HTR7: variants seen among roughly 807,000 people sequenced by gnomAD.
HTR7 encodes the protein 5-hydroxytryptamine receptor 7.
HTR7 carries 16 observed loss-of-function variants against 34.0 expected under a neutral mutation model. That is an observed-to-expected ratio of 0.47 (90% CI 0.32 to 0.71). The LOEUF is 0.71. HTR7 is among the 30% of genes least tolerant of loss of function. The pLI is 0.04. For synonymous variants in HTR7, 265 were observed against 260.2 expected (o/e 1.02, Z -0.18); for missense variants, 504 against 625.5 (o/e 0.81, Z 2.07).
intron 1 of HTR7, among the ~76,000 whole-genome samples, chr10:90,783,133 C>T (rs546090444): frequency 3.9e-5 from 6 of 152,284 alleles, no homozygotes; most frequent in Admixed American, 6.5e-5. Flanking sequence ...CAGTCCAGGA[C>T]CCCTTTAAAT....
intron 1 of HTR7, among the ~76,000 whole-genome samples, chr10:90,856,302 G>C (rs948974074): frequency 1.3e-5 from 2 of 152,202 alleles, no homozygotes; most frequent in Non-Finnish European, 2.9e-5. Flanking sequence ...GTTGTCAACT[G>C]CATAATATTT....
intron 1 of HTR7, among the ~76,000 whole-genome samples, chr10:90,821,134 G>GCACACACACACACACACA (rs3035231): frequency 1.3e-5 from 2 of 150,204 alleles, no homozygotes; most frequent in African/African-American, 4.9e-5. Flanking sequence ...ACACACACAT[G>GCACACACACACACACACA]CACACACACA....
At chr10:90,759,509 G>A (rs11186302) in intron 1 of HTR7, among the ~76,000 whole-genome samples, 1 of 150,536 alleles carries the variant, frequency 6.6e-6, no homozygotes, top group Admixed American at 6.6e-5. Flanking sequence ...CAAAAAATTA[G>A]CCGGGCGCGG....
At chr10:90,770,656 C>G (rs901956651) in intron 1 of HTR7, among the ~76,000 whole-genome samples, 1 of 152,172 alleles carries the variant, frequency 6.6e-6, no homozygotes, top group African/African-American at 2.4e-5. Flanking sequence ...ATGCCAGCCC[C>G]CTGTCGCCCT....
At position 90,742,537 on chromosome 10, in the gene HTR7, AAGAG is replaced by A. The variant is rs754094234; in HGVS notation, c.1394-13_1394-10del. ...AGTAGTCAGCATTTTGTCTAAAAAA[AAGAG>A]AGAGAAAAATAGAAAATAATTTAGT... is the stretch of plus-strand genomic sequence containing the variant. On this transcript the variant is annotated splice_polypyrimidine_tract_variant and intron_variant, in intron 3 of 3. Transcript: ENST00000336152. 1.2e-5 allele frequency: 19 copies of A among 1,562,704 alleles called. No homozygotes were observed. Among genetic ancestry groups the A allele is most frequent in the Non-Finnish European group, 1.6e-5 (18 of 1,144,382 alleles).
At chr10:90,782,272 A>G (rs1845317204) in intron 1 of HTR7, among the ~76,000 whole-genome samples, 1 of 152,202 alleles carries the variant, frequency 6.6e-6, no homozygotes, top group South Asian at 2.1e-4. Context: ...GTGTGCTCAG[A>G]AGGCTTAATC....
intron 1 of HTR7, among the ~76,000 whole-genome samples, chr10:90,838,685 G>T (rs1407527432): frequency 6.6e-6 from 1 of 152,074 alleles, no homozygotes; most frequent in Non-Finnish European, 1.5e-5. Flanking sequence ...TTTTCCTTTT[G>T]TCTCTCTCCT....
At chr10:90,757,043 G>C (rs1844843246) in intron 1 of HTR7, among the ~76,000 whole-genome samples, 1 of 152,092 alleles carries the variant, frequency 6.6e-6, no homozygotes, top group African/African-American at 2.4e-5. Flanking sequence ...GAAAAAGGGG[G>C]CGGGGATGGC....
rs185788282 is a variant in HTR7 at position 90,779,222 on chromosome 10, C to T, written c.540-29628G>A. On this transcript the variant is annotated intron_variant, in intron 1 of 3. Transcript: ENST00000336152. ...GATTTTTCCAGTTTGTCCTTCTCCC[C>T]CTTTGGAGCAGAGAATGTTAGAACA... is the stretch of plus-strand genomic sequence containing the variant. Among the ~76,000 whole-genome samples, 3 of 152,288 alleles carry T rather than the reference C, an allele frequency of 2.0e-5. No homozygotes were observed. In the South Asian group the frequency reaches 6.2e-4, roughly 32 times the overall value.
intron 1 of HTR7, among the ~76,000 whole-genome samples, chr10:90,751,356 T>C (rs560753370): frequency 1.9e-4 from 29 of 152,162 alleles, no homozygotes; most frequent in Non-Finnish European, 2.8e-4. Flanking sequence ...CTAGTCCTTG[T>C]TCTCAACCAG....
At chr10:90,807,121 G>T (rs576188575) in intron 1 of HTR7, among the ~76,000 whole-genome samples, 1 of 152,122 alleles carries the variant, frequency 6.6e-6, no homozygotes. Flanking sequence ...TTTTAAATAC[G>T]ACAGAGTGGA....
At chr10:90,755,439 T>A (rs1331944528) in intron 1 of HTR7, among the ~76,000 whole-genome samples, 1 of 152,220 alleles carries the variant, frequency 6.6e-6, no homozygotes, top group Non-Finnish European at 1.5e-5. Context: ...TTTAGGAAAT[T>A]AAACAAAAGT....
At chr10:90,795,047 C>T (rs762431223) in intron 1 of HTR7, among the ~76,000 whole-genome samples, 1 of 152,112 alleles carries the variant, frequency 6.6e-6, no homozygotes, top group Non-Finnish European at 1.5e-5. Flanking sequence ...TTTTCTTTAT[C>T]CATTCATCTG....
intron 1 of HTR7, among the ~76,000 whole-genome samples, chr10:90,795,485 G>T (rs1482598805): frequency 6.6e-6 from 1 of 152,140 alleles, no homozygotes; most frequent in African/African-American, 2.4e-5. Flanking sequence ...AAATGATAAA[G>T]GTAGAAGACA....
intron 1 of HTR7, among the ~76,000 whole-genome samples, chr10:90,787,314 C>T (rs1845395120): frequency 6.6e-6 from 1 of 151,960 alleles, no homozygotes; most frequent in Non-Finnish European, 1.5e-5. Context: ...ATGGTGAAAC[C>T]CCGTCTCTAT....
chr10:90,807,127 G>A (rs1180919444), intron 1 of HTR7, among the ~76,000 whole-genome samples: 1 of 152,202 alleles, frequency 6.6e-6, no homozygotes, highest in African/African-American at 2.4e-5. Flanking sequence ...ATACGACAGA[G>A]TGGAAAAAAG....
intron 2 of HTR7, among the ~76,000 whole-genome samples, chr10:90,747,359 A>G (rs1405648378): frequency 6.6e-6 from 1 of 152,238 alleles, no homozygotes; most frequent in East Asian, 1.9e-4. Context: ...TCTTATAGGC[A>G]TAGTAAGATC....
chr10:90,857,594 G>T lies in HTR7; in HGVS notation c.78C>A (p.Arg26=). 1 of 1,595,994 alleles carries T rather than the reference G, an allele frequency of 6.3e-7. No individual in the cohort carries two copies. The highest frequency in any genetic ancestry group is 8.5e-7 in the Non-Finnish European group (1 of 1,173,380). Reference sequence around the variant, plus strand: ...CGTCGGGGCTCAAGTCGGGCAGCCCGCGCCCCACTTCTGGCAGAAGGAAAG... The same window carrying T: ...CGTCGGGGCTCAAGTCGGGCAGCCCTCGCCCCACTTCTGGCAGAAGGAAAG... ...LRSFLLPEVG[R]GLPDLSPDGG... The change falls in exon 1 of 4, where the codon CGC becomes CGA. Residue 26 remains arginine, a synonymous_variant. Coordinates refer to ENST00000336152, the MANE Select transcript of HTR7 (RefSeq NM_019859.4). This position sits in a 1 kb window ranked among gnomAD's most constrained non-coding sequence, Gnocchi z 6.5.
At chr10:90,769,449 G>T (rs1845073364) in intron 1 of HTR7, among the ~76,000 whole-genome samples, 1 of 152,150 alleles carries the variant, frequency 6.6e-6, no homozygotes, top group African/African-American at 2.4e-5. Context: ...ATATTTAAAT[G>T]CATGTTATAT....
Sources: allele counts gnomAD v4.1 joint callset (sites outside exome capture counted in the v4.1 genomes callset), GRCh38; gene constraint gnomAD v4.1.1; non-coding constraint Gnocchi (gnomAD v3.1); transcripts MANE v1.5; gene names NCBI Gene and HGNC (gene_info 2026-07-23, HGNC 2026-07-21).